MAGI2: variants seen among roughly 807,000 people sequenced by gnomAD.
MAGI2 encodes membrane associated guanylate kinase, WW and PDZ domain containing 2.
Under a neutral mutation model 133.3 loss-of-function variants are expected in MAGI2, and 35 were observed. The ratio of observed to expected loss-of-function variants is 0.26; its 90% CI spans 0.20 to 0.35. MAGI2 has a LOEUF of 0.35. MAGI2 is among the 10% of genes least tolerant of loss of function. The pLI, the probability that MAGI2 is intolerant of heterozygous loss-of-function variation, is 1.00. For synonymous variants in MAGI2, 729 were observed against 710.6 expected (o/e 1.03, Z -0.41); for missense variants, 1,636 against 1,863.4 (o/e 0.88, Z 2.25).
chr7:78,025,663 G>C (rs1808837284), intron 21 of MAGI2, among the ~76,000 whole-genome samples: 1 of 152,210 alleles, frequency 6.6e-6, no homozygotes, highest in South Asian at 2.1e-4. Context: ...ACTTTGATCA[G>C]TTTTGAGAGG....
chr7:78,840,821 A>G (rs571264353), intron 2 of MAGI2, among the ~76,000 whole-genome samples: 3 of 127,528 alleles, frequency 2.4e-5, no homozygotes, highest in African/African-American at 8.6e-5. Context: ...AATTATTAAA[A>G]CTTTCTGAAT....
intron 3 of MAGI2, among the ~76,000 whole-genome samples, chr7:78,603,684 G>A (rs902170745): frequency 2.0e-5 from 3 of 152,130 alleles, no homozygotes; most frequent in East Asian, 1.9e-4. Context: ...ACCACACCAG[G>A]CTAATTTTTT....
rs191838278 is a variant in MAGI2, at chr7:78,820,702, A to G, written c.418+186388T>C. ...CAAAATTGGTTTCTAGAGGCAATTA[A>G]AGTCAAAGTATTTCTTCTGTTTTCA... is the stretch of plus-strand genomic sequence containing the variant. On this transcript the variant is annotated intron_variant, in intron 2 of 21. Coordinates refer to ENST00000354212, the MANE Select transcript of MAGI2 (RefSeq NM_012301.4). 3.3e-5 allele frequency among the ~76,000 whole-genome samples: 5 copies of G among 152,124 alleles called. No homozygotes were observed. In the East Asian group the frequency reaches 9.6e-4, roughly 29 times the overall value.
At chr7:78,081,077 C>T (rs1161250368) in intron 20 of MAGI2, among the ~76,000 whole-genome samples, 6 of 152,148 alleles carry the variant, frequency 3.9e-5, no homozygotes, top group African/African-American at 1.4e-4. Context: ...TTTTTCTCCT[C>T]CTCCCCACAG....
At chr7:79,280,583 T>C (rs1835560820) in intron 1 of MAGI2, among the ~76,000 whole-genome samples, 1 of 151,964 alleles carries the variant, frequency 6.6e-6, no homozygotes, top group South Asian at 2.1e-4. Context: ...TTAAATTTAT[T>C]TAACACAAAC....
rs193057608 is a variant in MAGI2, at chr7:78,955,360, T to C, written c.418+51730A>G. ...ATAAAATGTAAGTACATTGCATACATGCATGTAATATGTAATAAAGCACAG... is the reference window on the plus strand; with the variant it reads ...ATAAAATGTAAGTACATTGCATACACGCATGTAATATGTAATAAAGCACAG... On this transcript the variant is annotated intron_variant, in intron 2 of 21. Coordinates refer to ENST00000354212, the MANE Select transcript of MAGI2 (RefSeq NM_012301.4). Among the ~76,000 whole-genome samples the C allele has an allele frequency of 9.2e-5, 14 of 152,236 alleles. No homozygotes were observed. The East Asian group carries it at 2.3e-3, about 25-fold the overall frequency.
chr7:78,612,396 G>A (rs532931625), intron 3 of MAGI2, among the ~76,000 whole-genome samples: 72 of 151,812 alleles, frequency 4.7e-4, no homozygotes, highest in Non-Finnish European at 9.3e-4. Context: ...ACGAATAAAG[G>A]GAATGTAACC....
chr7:78,212,957 G>T (rs1787914598), intron 10 of MAGI2, among the ~76,000 whole-genome samples: 1 of 152,164 alleles, frequency 6.6e-6, no homozygotes, highest in South Asian at 2.1e-4. Context: ...ATTACAGCGT[G>T]AGCCACCACA....
chr7:78,876,321 C>CAAGAAAA (rs1795418818), intron 2 of MAGI2, among the ~76,000 whole-genome samples: 1 of 79,672 alleles, frequency 1.3e-5, no homozygotes, highest in Non-Finnish European at 2.4e-5. Context: ...GACTCCGTCT[C>CAAGAAAA]AAAAAAAAAA....
At chr7:79,277,472 A>T (rs978074992) in intron 1 of MAGI2, among the ~76,000 whole-genome samples, 1 of 152,028 alleles carries the variant, frequency 6.6e-6, no homozygotes, top group Non-Finnish European at 1.5e-5. Context: ...TCTGGACCCA[A>T]CTCTGTAATA....
At chr7:78,223,041 A>G (rs932376601) in intron 10 of MAGI2, among the ~76,000 whole-genome samples, 2 of 152,198 alleles carry the variant, frequency 1.3e-5, no homozygotes, top group Non-Finnish European at 1.5e-5. Context: ...ACAGCTGTCA[A>G]TATTTCTGTG....
At chr7:78,477,346 A>G (rs1008552840) in intron 6 of MAGI2, among the ~76,000 whole-genome samples, 1 of 152,046 alleles carries the variant, frequency 6.6e-6, no homozygotes, top group Non-Finnish European at 1.5e-5. Flanking sequence ...AAAATGTTGT[A>G]AGAACACTGA....
intron 2 of MAGI2, among the ~76,000 whole-genome samples, chr7:78,996,340 C>T (rs962816796): frequency 2.6e-5 from 4 of 152,152 alleles, no homozygotes; most frequent in African/African-American, 9.7e-5. Context: ...ATTCCCAAAT[C>T]TTTTGTCACT....
intron 9 of MAGI2, among the ~76,000 whole-genome samples, chr7:78,321,926 A>T (rs2151123731): frequency 6.6e-6 from 1 of 152,338 alleles, no homozygotes; most frequent in East Asian, 1.9e-4. Flanking sequence ...ATTTACAAGA[A>T]AAAAACAACC....
intron 2 of MAGI2, among the ~76,000 whole-genome samples, chr7:78,902,812 A>G (rs1797706662): frequency 6.6e-6 from 1 of 152,222 alleles, no homozygotes; most frequent in Admixed American, 6.5e-5. Context: ...CCGGGCAACC[A>G]GCAGAAACAA....
At chr7:78,289,232 C>T (rs550328918) in intron 9 of MAGI2, among the ~76,000 whole-genome samples, 1 of 152,230 alleles carries the variant, frequency 6.6e-6, no homozygotes, top group East Asian at 1.9e-4. Context: ...GAAAGGCTAA[C>T]TAGAATAAAC....
intron 1 of MAGI2, among the ~76,000 whole-genome samples, chr7:79,331,440 C>T (rs1258465877): frequency 2.0e-5 from 3 of 152,102 alleles, no homozygotes; most frequent in South Asian, 2.1e-4. Flanking sequence ...AAAATACCAA[C>T]GTAGACATTT....
chr7:78,177,676 T>G (rs1202799447), intron 14 of MAGI2, among the ~76,000 whole-genome samples: 1 of 152,174 alleles, frequency 6.6e-6, no homozygotes, highest in Non-Finnish European at 1.5e-5. Context: ...TGTTCCCAGG[T>G]GGGTGTTACC....
intron 2 of MAGI2, among the ~76,000 whole-genome samples, chr7:78,933,711 A>G (rs536660640): frequency 6.6e-6 from 1 of 152,268 alleles, no homozygotes; most frequent in East Asian, 1.9e-4. Flanking sequence ...TAGAGATGAC[A>G]TGGTTAAAAT....
Sources: allele counts gnomAD v4.1 joint callset (sites outside exome capture counted in the v4.1 genomes callset), GRCh38; gene constraint gnomAD v4.1.1; transcripts MANE v1.5; gene names NCBI Gene and HGNC (gene_info 2026-07-23, HGNC 2026-07-21).